The following FAM3A variants were observed in gnomAD, a reference collection of about 807,000 sequenced individuals.
The protein encoded by FAM3A is protein FAM3A.
FAM3A carries 5 observed loss-of-function variants against 18.1 expected under a neutral mutation model. The observed-to-expected ratio is 0.28, with a 90% CI of 0.14 to 0.58. The LOEUF is 0.58. Among genes scored for constraint, FAM3A ranks in the 20% least tolerant of loss-of-function variants. The pLI is 0.91. For missense variants in FAM3A, 154 were observed against 216.6 expected, an observed-to-expected ratio of 0.71 and a Z score of 1.81; for synonymous variants, 108 against 90.2, an observed-to-expected ratio of 1.20 and a Z score of -1.12.
At position 154,506,613 on chromosome X, in the gene FAM3A, A is replaced by ACT; in HGVS notation, c.*197_*198insAG. ...CTGGGCTCCCGTGACAAAGTGCGGC[A>ACT]GGGCTACCCCCTGCAGCCCCCATAG... On this transcript the variant is annotated 3_prime_UTR_variant, in exon 9 of 9. Coordinates refer to ENST00000447601, the MANE Select transcript of FAM3A (RefSeq NM_021806.4). 1 of 429,042 alleles carries ACT rather than the reference A, an allele frequency of 2.3e-6. No homozygotes were observed. 35.4% of individuals were successfully genotyped at this position (429,042 alleles called of 1,213,427 possible).
In FAM3A at chrX:154,515,926, C is replaced by A; in HGVS notation, c.-154G>T. 1.8e-6 allele frequency: 1 copy of A among 553,485 alleles called. No individual in the cohort carries two copies. Among genetic ancestry groups the A allele is most frequent in the Non-Finnish European group, 3.0e-6 (1 of 335,271 alleles). The allele number at this position is 553,485 out of a possible 1,213,427, so 45.6% of individuals were successfully genotyped here. Reference sequence around the variant, plus strand: ...TGCTACGACCTGTTTGTCCAGCCGCCCGGCCAGGCAGGGCTCCTCGGAAAC... The same window carrying A: ...TGCTACGACCTGTTTGTCCAGCCGCACGGCCAGGCAGGGCTCCTCGGAAAC... On this transcript the variant is annotated 5_prime_UTR_variant, in exon 1 of 9. Transcript: ENST00000447601.
intron 1 of FAM3A, among the ~76,000 whole-genome samples, chrX:154,513,979 C>T (rs1264715341): frequency 1.8e-5 from 2 of 110,106 alleles, no homozygotes; most frequent in Non-Finnish European, 3.8e-5. Context: ...GTTGCCAAGG[C>T]CACTGATGAC....
intron 3 of FAM3A, chrX:154,508,981 C>T (rs1228733361): frequency 2.5e-5 from 6 of 235,587 alleles, no homozygotes; most frequent in African/African-American, 1.2e-4. Context: ...GCCTGTCTCC[C>T]GATTTTGATG....
rs781993426 is a variant in FAM3A, at chrX:154,506,196, G to C, written c.*615C>G. 3.5e-5 allele frequency: 4 copies of C among 113,240 alleles called. No homozygotes were observed. Among genetic ancestry groups the C allele is most frequent in the African/African-American group, 9.9e-5 (3 of 30,163 alleles). The allele number at this position is 113,240 out of a possible 1,213,427, so 9.3% of individuals were successfully genotyped here. On this transcript the variant is annotated 3_prime_UTR_variant, in exon 9 of 9. Transcript: ENST00000447601. ...TTCTGTGGGGCCATCACTTTATTAA[G>C]GGGTCATCTAGAAGGTGGGCCCCCT... is the stretch of plus-strand genomic sequence containing the variant.
chrX:154,508,420 C>T (rs1478896999), intron 4 of FAM3A, 54 bp downstream of exon 4: 20 of 1,185,050 alleles, frequency 1.7e-5, no homozygotes, highest in South Asian at 3.7e-5. Context: ...CTTGCAGACC[C>T]GGCCCTGGAT....
intron 3 of FAM3A, chrX:154,509,343 G>GATTTCAGT (rs2069741751): frequency 8.8e-6 from 1 of 113,698 alleles, no homozygotes; most frequent in Non-Finnish European, 1.8e-5. Flanking sequence ...GTAACGCCCT[G>GATTTCAGT]CTGACACTTT....
chrX:154,506,785 T>A lies in FAM3A; in HGVS notation c.*26A>T. On this transcript the variant is annotated 3_prime_UTR_variant, in exon 9 of 9. Transcript: ENST00000447601. ...CGTGCCTCCCTTGGTCTGGCCTCCC[T>A]CGGCCCGGTCCTGGCACTGGCCGTG... 1 of 1,188,881 alleles carries A rather than the reference T, an allele frequency of 8.4e-7. No individual in the cohort carries two copies. Among genetic ancestry groups the A allele is most frequent in the Non-Finnish European group, 1.1e-6 (1 of 875,706 alleles).
intron 3 of FAM3A, 87 bp downstream of exon 3, chrX:154,511,761 A>G (rs2069885182): frequency 1.1e-6 from 1 of 920,832 alleles, no homozygotes; most frequent in Admixed American, 2.2e-5. Context: ...TTTGGGGAGG[A>G]ATAAATGGAA....
At chrX:154,511,494 G>T in intron 3 of FAM3A, 1 of 204,874 alleles carries the variant, frequency 4.9e-6, no homozygotes, top group Non-Finnish European at 9.1e-6. Flanking sequence ...GGTCATTCCA[G>T]CAGGCCCAGA....
At position 154,506,652 on chromosome X, in the gene FAM3A, G is replaced by C. The variant is rs1201512710; in HGVS notation, c.*159C>G. ...CAGCCCCCATAGCCCCCACCACCTT[G>C]AGACCACGTTCTGGTCACTGCCTCG... On this transcript the variant is annotated 3_prime_UTR_variant, in exon 9 of 9. Transcript: ENST00000447601. The C allele has an allele frequency of 4.4e-6, 2 of 459,446 alleles. No homozygotes were observed. Among genetic ancestry groups the C allele is most frequent in the South Asian group, 3.1e-5 (1 of 32,146 alleles). The allele number at this position is 459,446 out of a possible 1,213,427, so 37.9% of individuals were successfully genotyped here. A position where few individuals can be genotyped will look rare whatever the true frequency, so the allele number is the denominator to read the frequency against.
intron 5 of FAM3A, among the ~76,000 whole-genome samples, 196 bp from the exon 6 acceptor site, chrX:154,508,057 C>A (rs2069656431): frequency 1.8e-5 from 2 of 113,071 alleles, no homozygotes; most frequent in Non-Finnish European, 3.8e-5. Flanking sequence ...CCTCCGGGGG[C>A]TCTCCATGAA....
chrX:154,510,260 G>A (rs1404395964), intron 3 of FAM3A: 1 of 111,742 alleles, frequency 8.9e-6, no homozygotes, highest in African/African-American at 3.3e-5. Flanking sequence ...CAGCTACTCA[G>A]GAGGCTGAGG....
chrX:154,506,949 G>A (rs2069566623), intron 8 of FAM3A, 43 bp from the exon 9 acceptor site: 1 of 1,089,893 alleles, frequency 9.2e-7, no homozygotes, highest in Non-Finnish European at 1.3e-6. Flanking sequence ...GGCCCTCAGG[G>A]ACAGGGGACA....
At chrX:154,507,065 G>T in intron 8 of FAM3A, 138 bp downstream of exon 8, 1 of 948,410 alleles carries the variant, frequency 1.1e-6, no homozygotes, top group African/African-American at 1.9e-5. Flanking sequence ...CATGGCATCA[G>T]CTGCACTGGC....
rs782097736 is a variant in FAM3A at position 154,508,355 on chromosome X, G to C, written c.276-8C>G. 13 of 608,633 alleles carry C rather than the reference G, an allele frequency of 2.1e-5. No homozygotes were observed. Among genetic ancestry groups the C allele is most frequent in the East Asian group, 1.7e-4 (3 of 18,002 alleles). The allele number at this position is 608,633 out of a possible 1,213,427, so 50.2% of individuals were successfully genotyped here. ...TTGACGCTGCTCATCAGCCTAGTTGGGGGGGGGTGGGGGGGACGGGGAGAT... is the reference window on the plus strand; with the variant it reads ...TTGACGCTGCTCATCAGCCTAGTTGCGGGGGGGTGGGGGGGACGGGGAGAT... On this transcript the variant is annotated splice_polypyrimidine_tract_variant and splice_region_variant and intron_variant, in intron 4 of 8. Transcript: ENST00000447601.
rs782381702 is a variant in FAM3A, at chrX:154,506,832, C to T, written c.672G>A (p.Pro224=). The stretch of plus-strand genomic sequence containing the variant: ...CGTGCTAGCTGGCCGTGCTTCTCCG[C>T]GGGATACAGCCTTCCATCTCCAGCG... ...PEALEMEGCI[P]RRSTAS The change falls in exon 9 of 9, where the codon CCG becomes CCA. Residue 224 remains proline, a synonymous_variant. Transcript: ENST00000447601. The T allele has an allele frequency of 4.8e-5, 58 of 1,210,148 alleles. No individual in the cohort carries two copies. The Middle Eastern group carries it at 1.1e-3, about 24-fold the overall frequency.
chrX:154,514,849 G>C (rs782584591), intron 1 of FAM3A, among the ~76,000 whole-genome samples: 2 of 106,487 alleles, frequency 1.9e-5, no homozygotes, highest in Non-Finnish European at 3.9e-5. Flanking sequence ...GCGCCCAGCT[G>C]TCTTTACTTT....
In FAM3A at chrX:154,512,943, G is replaced by A. The variant is rs2069976396; in HGVS notation, c.14-7C>T. 5 of 1,171,338 alleles carry A rather than the reference G, an allele frequency of 4.3e-6. No individual in the cohort carries two copies. Among genetic ancestry groups the A allele is most frequent in the African/African-American group, 1.8e-5 (1 of 56,568 alleles). On this transcript the variant is annotated splice_polypyrimidine_tract_variant and splice_region_variant and intron_variant, in intron 1 of 8. Coordinates refer to ENST00000447601, the MANE Select transcript of FAM3A (RefSeq NM_021806.4). ...ACCACAATGCGGAGAGGGCCTGGAG[G>A]CAGGATAGACACAGGGTGGGGTCAC...
Position 154,506,840 on chromosome X carries a change from A to G in FAM3A, c.664T>C (p.Cys222Arg). ...GWPEALEMEG[C>R]IPRRSTAS ...CTGGCCGTGCTTCTCCGCGGGATACAGCCTTCCATCTCCAGCGCCTCGGGC... is the reference window on the plus strand; with the variant it reads ...CTGGCCGTGCTTCTCCGCGGGATACGGCCTTCCATCTCCAGCGCCTCGGGC... Residue 222 changes from cysteine to arginine, a missense_variant, in exon 9 of 9, where the codon TGT (cysteine) becomes CGT (arginine). By Grantham distance (180) the Cys-to-Arg change is radical (BLOSUM62 -3). Transcript: ENST00000447601. 8.3e-7 allele frequency: 1 copy of G among 1,211,220 alleles called. No individual in the cohort carries two copies. Among genetic ancestry groups the G allele is most frequent in the Non-Finnish European group, 1.1e-6 (1 of 894,864 alleles).
Sources: gnomAD v4.1 joint callset for allele counts (sites outside exome capture counted in the v4.1 genomes callset) on GRCh38, gnomAD v4.1.1 for gene constraint, MANE v1.5 for transcripts, NCBI Gene and HGNC (gene_info 2026-07-23, HGNC 2026-07-21) for gene names.